Variants in SEMA3A observed in about 807,000 individuals in gnomAD.
The protein encoded by SEMA3A is semaphorin 3A.
A neutral mutation model predicts 97.9 loss-of-function variants in SEMA3A; 29 were observed. That is an observed-to-expected ratio of 0.30 (90% CI 0.22 to 0.40). The LOEUF (loss-of-function observed/expected upper bound fraction) is 0.40, where lower values mean the gene tolerates loss of function less well. Ranked by LOEUF, SEMA3A falls within the 10% of genes least tolerant of loss-of-function variation. The pLI is 1.00. For synonymous variants in SEMA3A, 321 were observed against 323.7 expected, an observed-to-expected ratio of 0.99 and a Z score of 0.09; for missense variants, 763 against 951.3, an observed-to-expected ratio of 0.80 and a Z score of 2.60.
At position 84,008,218 on chromosome 7, in the gene SEMA3A, G is replaced by A. The variant is rs898587150; in HGVS notation, c.996-721C>T. Among the ~76,000 whole-genome samples, 61 of 152,170 alleles carry A rather than the reference G, an allele frequency of 4.0e-4. 1 individual carries two copies. Among genetic ancestry groups the A allele is most frequent in the Admixed American group, 2.0e-3 (30 of 15,274 alleles). On this transcript the variant is annotated intron_variant, in intron 9 of 16. Transcript: ENST00000265362. ...ACAATTTTCCATTTTATGGCAGGGC[G>A]CGGTGGCTCAAGCCTGTAATACCGG...
chr7:83,967,885 T>G (rs1788768169), intron 15 of SEMA3A, among the ~76,000 whole-genome samples: 1 of 152,198 alleles, frequency 6.6e-6, no homozygotes, highest in Non-Finnish European at 1.5e-5. Flanking sequence ...AATGATCAAA[T>G]CAGGGTAATT....
rs1306098643 is a variant in SEMA3A, at chr7:84,486,898, AAAG to A, written c.-246+5559_-246+5561del. On this transcript the variant is annotated intron_variant, in intron 1 of 3. Coordinates refer to the SEMA3A transcript ENST00000424555. ...ATATTAGTGCATCTCACCAGAAAAA[AAAG>A]ATTAAATCCTCAAGCTTTTAATAGA... Among the ~76,000 whole-genome samples, 10 of 152,166 alleles carry A rather than the reference AAAG, an allele frequency of 6.6e-5. No individual in the cohort carries two copies. In the South Asian group the frequency reaches 1.2e-3, roughly 19 times the overall value.
intron 1 of SEMA3A, among the ~76,000 whole-genome samples, chr7:84,150,723 T>G (rs1018210388): frequency 3.3e-5 from 5 of 152,086 alleles, no homozygotes; most frequent in Non-Finnish European, 7.4e-5. Flanking sequence ...AAGCTGGAAC[T>G]GGGTGGAGCC....
rs143214456 is a variant in SEMA3A, at chr7:84,134,381, C to T, written c.270+413G>A. On this transcript the variant is annotated intron_variant, in intron 2 of 16. Transcript: ENST00000265362. ...AAACTTTATTTACAAACACTGATAG[C>T]ATGCCAAATTAGGCATGTGGGTAAT... is the stretch of plus-strand genomic sequence containing the variant. Among the ~76,000 whole-genome samples the T allele has an allele frequency of 9.9e-5, 15 of 152,254 alleles. No individual in the cohort carries two copies. In the East Asian group the frequency reaches 2.7e-3, roughly 27 times the overall value.
At chr7:84,025,091 T>A (rs569301155) in intron 6 of SEMA3A, among the ~76,000 whole-genome samples, 219 of 152,098 alleles carry the variant, frequency 1.4e-3, no homozygotes, top group African/African-American at 5.0e-3. Context: ...TGTCTTTAAA[T>A]GAATAAATAA....
chr7:84,213,913 C>T (rs1455266778), intron 3 of SEMA3A, among the ~76,000 whole-genome samples: 2 of 152,196 alleles, frequency 1.3e-5, no homozygotes, highest in Non-Finnish European at 2.9e-5. Context: ...GGCTATGGCC[C>T]TCAACACGAC....
At chr7:84,190,665 C>T (rs1798011194) in intron 1 of SEMA3A, among the ~76,000 whole-genome samples, 1 of 149,032 alleles carries the variant, frequency 6.7e-6, no homozygotes, top group Non-Finnish European at 1.5e-5. Context: ...TCCATGAAAA[C>T]TTTTCATGGG....
upstream of SEMA3A, among the ~76,000 whole-genome samples, chr7:84,197,381 A>C (rs112619443): frequency 6.6e-6 from 1 of 152,178 alleles, no homozygotes; most frequent in Non-Finnish European, 1.5e-5. Context: ...TAACTGTCCT[A>C]GACTGATTAA....
At chr7:84,431,703 A>T (rs2116320200) in intron 1 of SEMA3A, among the ~76,000 whole-genome samples, 1 of 152,134 alleles carries the variant, frequency 6.6e-6, no homozygotes, top group African/African-American at 2.4e-5. Context: ...TAATAGATAA[A>T]GCCAGCTTCA....
At chr7:84,143,950 A>AACACACACACACAC (rs796470836) in intron 1 of SEMA3A, among the ~76,000 whole-genome samples, 37 of 94,684 alleles carry the variant, frequency 3.9e-4, no homozygotes, top group African/African-American at 1.2e-3. Context: ...CTCTCTCTCT[A>AACACACACACACAC]ACACACACAC....
chr7:84,174,218 C>T (rs1797490421), intron 1 of SEMA3A, among the ~76,000 whole-genome samples: 1 of 152,052 alleles, frequency 6.6e-6, no homozygotes, highest in African/African-American at 2.4e-5. Context: ...CTCCACCAGC[C>T]AATCCCAGTC....
At chr7:84,302,105 A>T (rs891594876) in intron 3 of SEMA3A, among the ~76,000 whole-genome samples, 1 of 152,026 alleles carries the variant, frequency 6.6e-6, no homozygotes, top group African/African-American at 2.4e-5. Flanking sequence ...ATTCAGTAAT[A>T]AAAAAAATCA....
At chr7:84,392,301 A>G (rs1041582384) in intron 1 of SEMA3A, among the ~76,000 whole-genome samples, 1 of 152,136 alleles carries the variant, frequency 6.6e-6, no homozygotes. Flanking sequence ...GATTCCACAT[A>G]TAAGTGAGAA....
chr7:84,273,513 C>T (rs561620440), intron 3 of SEMA3A, among the ~76,000 whole-genome samples: 84 of 152,220 alleles, frequency 5.5e-4, no homozygotes, highest in African/African-American at 1.7e-3. Context: ...AGAGCACACA[C>T]GTTTTCCTAC....
At chr7:84,424,134 C>G (rs1001208446) in intron 1 of SEMA3A, among the ~76,000 whole-genome samples, 2 of 151,458 alleles carry the variant, frequency 1.3e-5, no homozygotes, top group African/African-American at 4.8e-5. Flanking sequence ...AGCAATCCCA[C>G]TACTGGGTAT....
At chr7:84,349,929 A>G (rs1400420091) in intron 2 of SEMA3A, among the ~76,000 whole-genome samples, 1 of 152,100 alleles carries the variant, frequency 6.6e-6, no homozygotes, top group Admixed American at 6.6e-5. Flanking sequence ...TTTGCGCTCC[A>G]GATTTATAAA....
intron 2 of SEMA3A, among the ~76,000 whole-genome samples, chr7:84,313,356 GTATATATATATATATATA>G (rs869145201): frequency 2.8e-3 from 64 of 23,048 alleles, no homozygotes; most frequent in East Asian, 0.025. Flanking sequence ...ATGTGTGTGT[GTATATATATATATATATA>G]TATATATATA....
intron 1 of SEMA3A, among the ~76,000 whole-genome samples, chr7:84,424,546 ATATATATTAT>A (rs1179214956): frequency 5.7e-5 from 5 of 87,836 alleles, no homozygotes; most frequent in African/African-American, 3.0e-4. Context: ...ATAAATATTA[ATATATATTAT>A]ATATAATATA....
chr7:84,171,419 T>A (rs1469005124), intron 1 of SEMA3A, among the ~76,000 whole-genome samples: 1 of 152,222 alleles, frequency 6.6e-6, no homozygotes, highest in East Asian at 1.9e-4. Context: ...TAGAAATAGG[T>A]GAAGCTTCTG....
Sources: gnomAD v4.1 joint callset for allele counts (sites outside exome capture counted in the v4.1 genomes callset) on GRCh38, gnomAD v4.1.1 for gene constraint, MANE v1.5 for transcripts, NCBI Gene and HGNC (gene_info 2026-07-23, HGNC 2026-07-21) for gene names.